LSAMP: variants seen among roughly 807,000 people sequenced by gnomAD.
LSAMP encodes limbic system associated membrane protein.
Under a neutral mutation model 38.6 loss-of-function variants are expected in LSAMP, and 7 were observed. The ratio of observed to expected loss-of-function variants is 0.18; its 90% CI spans 0.10 to 0.34. The LOEUF is 0.34. LSAMP is among the 10% of genes least tolerant of loss of function. The pLI is 1.00. For synonymous variants in LSAMP, 154 were observed against 166.8 expected (o/e 0.92, Z 0.59); for missense variants, 313 against 420.0 (o/e 0.75, Z 2.23).
chr3:116,161,385 A>G (rs1182987682), intron 1 of LSAMP, among the ~76,000 whole-genome samples: 1 of 152,212 alleles, frequency 6.6e-6, no homozygotes, highest in East Asian at 1.9e-4. Flanking sequence ...ATAGCGAGTA[A>G]TATTATAGTC....
intron 1 of LSAMP, among the ~76,000 whole-genome samples, chr3:116,223,907 G>T (rs1281278160): frequency 2.0e-5 from 3 of 152,064 alleles, no homozygotes; most frequent in Non-Finnish European, 4.4e-5. Flanking sequence ...TACTTTCACA[G>T]CTCTAATTCT....
intron 3 of LSAMP, among the ~76,000 whole-genome samples, chr3:115,860,016 T>C (rs1340266023): frequency 6.6e-6 from 1 of 152,246 alleles, no homozygotes; most frequent in East Asian, 1.9e-4. Context: ...TATGGTTACA[T>C]TGTAAGGCTT....
In LSAMP at chr3:116,413,222, T is replaced by C. The variant is rs147291854; in HGVS notation, c.155+31655A>G. On this transcript the variant is annotated intron_variant, in intron 1 of 6. Transcript: ENST00000490035. ...CAAATGACTTCAAACTAATCATGCT[T>C]TAAGCATACTTTTCATGACATTATA... Among the ~76,000 whole-genome samples the C allele has an allele frequency of 5.3e-3, 774 of 144,828 alleles. 4 individuals are homozygous for C. The highest frequency in any genetic ancestry group is 0.018 in the Middle Eastern group (5 of 278).
At chr3:115,933,710 A>C (rs1039038608) in intron 3 of LSAMP, among the ~76,000 whole-genome samples, 1 of 152,170 alleles carries the variant, frequency 6.6e-6, no homozygotes, top group Non-Finnish European at 1.5e-5. Flanking sequence ...GTATCTCCAT[A>C]CTGTGGTGAC....
At chr3:115,910,663 T>TTTTACAC (rs1937114198) in intron 3 of LSAMP, among the ~76,000 whole-genome samples, 1 of 152,182 alleles carries the variant, frequency 6.6e-6, no homozygotes, top group Non-Finnish European at 1.5e-5. Context: ...GGATCCTGCA[T>TTTTACAC]ATTGTTCTTT....
chr3:116,179,003 G>A lies in LSAMP; in HGVS notation c.156-92447C>T, dbSNP rs114168710. Among the ~76,000 whole-genome samples the A allele has an allele frequency of 3.4e-3, 505 of 149,790 alleles. 4 individuals carry two copies. Among genetic ancestry groups the A allele is most frequent in the African/African-American group, 0.012 (483 of 41,268 alleles). ...TATTGTATCCCACTGCCTCTGCAAT[G>A]GTCTCAGCTACCCAACTTTTACTAC... On this transcript the variant is annotated intron_variant, in intron 1 of 6. Coordinates refer to ENST00000490035, the MANE Select transcript of LSAMP (RefSeq NM_002338.5).
At chr3:115,992,128 T>A (rs931569060) in intron 3 of LSAMP, among the ~76,000 whole-genome samples, 2 of 152,078 alleles carry the variant, frequency 1.3e-5, no homozygotes, top group Admixed American at 1.3e-4. Context: ...ATAAAATATG[T>A]TATAAAGTAT....
intron 1 of LSAMP, among the ~76,000 whole-genome samples, chr3:116,351,399 G>T (rs1196403260): frequency 6.6e-6 from 1 of 152,088 alleles, no homozygotes; most frequent in Non-Finnish European, 1.5e-5. Context: ...CTGAGTAACG[G>T]AGAAGTAGCT....
Position 116,445,088 on chromosome 3 carries a change from G to C in LSAMP, c.-57C>G, listed in dbSNP as rs1036981547. On this transcript the variant is annotated 5_prime_UTR_variant, in exon 1 of 7. Transcript: ENST00000490035. Reference sequence around the variant, plus strand: ...TGCTCTGGAGGGGTGCGCGCTGCTCGCGAGGAGAGGCTTCACCAACACGGG... The same window carrying C: ...TGCTCTGGAGGGGTGCGCGCTGCTCCCGAGGAGAGGCTTCACCAACACGGG... 4.6e-6 allele frequency: 7 copies of C among 1,535,032 alleles called. No individual in the cohort carries two copies. The African/African-American group carries it at 8.2e-5, about 18-fold the overall frequency.
intron 1 of LSAMP, among the ~76,000 whole-genome samples, chr3:116,289,213 A>C (rs916488076): frequency 6.6e-6 from 1 of 152,228 alleles, no homozygotes; most frequent in African/African-American, 2.4e-5. Context: ...TCTGAGATAT[A>C]AATAAGCAGT....
At chr3:115,850,062 G>A (rs565804979) in intron 4 of LSAMP, among the ~76,000 whole-genome samples, 3 of 152,120 alleles carry the variant, frequency 2.0e-5, no homozygotes, top group Admixed American at 6.5e-5. Context: ...CATATAATTT[G>A]TTATGAGGTA....
intron 2 of LSAMP, among the ~76,000 whole-genome samples, chr3:116,047,342 C>G (rs1467343035): frequency 1.3e-5 from 2 of 149,682 alleles, no homozygotes; most frequent in Non-Finnish European, 3.0e-5. Context: ...CCTTACTGTT[C>G]CTAGTGTCTT....
intron 1 of LSAMP, among the ~76,000 whole-genome samples, chr3:116,236,870 T>C (rs975203486): frequency 2.0e-5 from 3 of 151,542 alleles, no homozygotes; most frequent in Non-Finnish European, 2.9e-5. Flanking sequence ...AGATTCTTTA[T>C]CTGTAAAACA....
chr3:116,443,784 A>G (rs897221391), intron 1 of LSAMP, among the ~76,000 whole-genome samples: 9 of 152,208 alleles, frequency 5.9e-5, no homozygotes, highest in Non-Finnish European at 2.9e-5. Context: ...AGATTTTTAA[A>G]AGATCTCCAA....
At chr3:116,367,733 T>G (rs1211540511) in intron 1 of LSAMP, among the ~76,000 whole-genome samples, 1 of 151,998 alleles carries the variant, frequency 6.6e-6, no homozygotes, top group Non-Finnish European at 1.5e-5. Flanking sequence ...GGTCTCGAAC[T>G]CCTGACCTCA....
intron 3 of LSAMP, among the ~76,000 whole-genome samples, chr3:115,988,437 T>C (rs1939575350): frequency 6.6e-6 from 1 of 152,064 alleles, no homozygotes; most frequent in African/African-American, 2.4e-5. Context: ...AGAATGTCTG[T>C]AGAATAAAGT....
chr3:116,323,253 T>A (rs2047728713), intron 1 of LSAMP, among the ~76,000 whole-genome samples: 1 of 152,166 alleles, frequency 6.6e-6, no homozygotes, highest in African/African-American at 2.4e-5. Context: ...TTATTCTTCC[T>A]AGTTCCACCT....
At chr3:116,066,565 C>CT (rs1196339815) in intron 2 of LSAMP, among the ~76,000 whole-genome samples, 1 of 152,060 alleles carries the variant, frequency 6.6e-6, no homozygotes, top group Non-Finnish European at 1.5e-5. Context: ...ACCTGGTTAC[C>CT]TTTTTTTCTG....
chr3:116,408,106 AG>A (rs1225101981), intron 1 of LSAMP, among the ~76,000 whole-genome samples: 1 of 152,054 alleles, frequency 6.6e-6, no homozygotes, highest in East Asian at 1.9e-4. Context: ...TTCTTGGAGG[AG>A]ATTGTAAAGA....
Sources: allele counts gnomAD v4.1 joint callset (sites outside exome capture counted in the v4.1 genomes callset), GRCh38; gene constraint gnomAD v4.1.1; transcripts MANE v1.5; gene names NCBI Gene and HGNC (gene_info 2026-07-23, HGNC 2026-07-21).